Variants in TRHDE observed in about 807,000 individuals in gnomAD.
TRHDE encodes thyrotropin-releasing hormone-degrading ectoenzyme.
Under a neutral mutation model 125.7 loss-of-function variants are expected in TRHDE, and 72 were observed. The observed-to-expected ratio is 0.57, with a 90% confidence interval of 0.47 to 0.70. The LOEUF is 0.70. Ranked by LOEUF, TRHDE falls within the 30% of genes least tolerant of loss-of-function variation. TRHDE has a pLI of 0.00. For synonymous variants in TRHDE, 509 were observed against 509.1 expected, an observed-to-expected ratio of 1.00 and a Z score of 0.00; for missense variants, 1,110 against 1,327.1, an observed-to-expected ratio of 0.84 and a Z score of 2.54.
At chr12:72,204,070 T>G (rs1041637452) in intron 2 of TRHDE, among the ~76,000 whole-genome samples, 1 of 152,200 alleles carries the variant, frequency 6.6e-6, no homozygotes, top group Admixed American at 6.5e-5. Context: ...TTCAAGAATG[T>G]TAAATTACAG....
chr12:72,657,044 T>G (rs754606219), intron 18 of TRHDE, 36 bp downstream of exon 18: 1 of 1,327,558 alleles, frequency 7.5e-7, no homozygotes, highest in South Asian at 1.2e-5. Flanking sequence ...TTATTTTCTT[T>G]TATAAACATT....
Position 72,272,682 on chromosome 12 carries a change from G to A in TRHDE, c.39G>A (p.Glu13=). ...GCGAGCTGGGGGAGCAAGAGGAGGA[G>A]AAGAAAAAGAAGAAGAAAAAGAAGA... ...LDGELGEQEE[E]KKKKKKKKRK... is the part of the protein sequence containing the mutation. The change falls in exon 1 of 19, where the codon GAG becomes GAA. Residue 13 remains glutamate, a synonymous_variant. Coordinates refer to ENST00000261180, the MANE Select transcript of TRHDE (RefSeq NM_013381.3). The surrounding 1 kb of genome is among the most constrained non-coding windows in gnomAD (Gnocchi z 6.7). The A allele has an allele frequency of 2.3e-6, 3 of 1,331,224 alleles. No individual in the cohort carries two copies. The highest frequency in any genetic ancestry group is 2.8e-5 in the Admixed American group (1 of 36,330). The allele number at this position is 1,331,224 out of a possible 1,614,324, so 82.5% of individuals were successfully genotyped here.
intron 1 of TRHDE, among the ~76,000 whole-genome samples, chr12:72,282,917 T>C (rs905282017): frequency 5.9e-5 from 9 of 152,194 alleles, no homozygotes; most frequent in African/African-American, 1.9e-4. Flanking sequence ...TACTGGCATC[T>C]AGTGGTAGAG....
intron 13 of TRHDE, 146 bp from the exon 14 acceptor site, chr12:72,620,962 A>C (rs1873027264): frequency 2.6e-6 from 1 of 391,202 alleles, no homozygotes; most frequent in African/African-American, 2.1e-5. Flanking sequence ...TAAAATTATA[A>C]TAGAACATTA....
At chr12:72,559,361 C>G (rs1170592138) in intron 7 of TRHDE, among the ~76,000 whole-genome samples, 1 of 152,194 alleles carries the variant, frequency 6.6e-6, no homozygotes, top group South Asian at 2.1e-4. Flanking sequence ...AAGAGTTAAA[C>G]AGCTTTCTAA....
chr12:72,624,416 T>C (rs1873174707), intron 15 of TRHDE, among the ~76,000 whole-genome samples: 1 of 151,958 alleles, frequency 6.6e-6, no homozygotes, highest in African/African-American at 2.4e-5. Context: ...GAAATAAATA[T>C]TTATTCTAAT....
In TRHDE at chr12:72,524,919, A is replaced by T. The variant is rs115411780; in HGVS notation, c.1723-17372A>T. ...CTGGGCACACATGAAGGGCACAGTTATTTATGGTTATGTCTAGTGAATCCT... is the reference window on the plus strand; with the variant it reads ...CTGGGCACACATGAAGGGCACAGTTTTTTATGGTTATGTCTAGTGAATCCT... On this transcript the variant is annotated intron_variant, in intron 6 of 18. Coordinates refer to ENST00000261180, the MANE Select transcript of TRHDE (RefSeq NM_013381.3). 3.3e-3 allele frequency among the ~76,000 whole-genome samples: 504 copies of T among 152,256 alleles called. 1 individual carries two copies. The highest frequency in any genetic ancestry group is 0.011 in the African/African-American group (467 of 41,562).
intron 2 of TRHDE, among the ~76,000 whole-genome samples, chr12:72,314,258 T>A (rs1236238496): frequency 2.2e-5 from 3 of 134,140 alleles, no homozygotes; most frequent in African/African-American, 8.9e-5. Flanking sequence ...TCCTTTTCTT[T>A]TTTTTTCCTC....
At chr12:72,297,975 T>C (rs1880367020) in intron 2 of TRHDE, among the ~76,000 whole-genome samples, 1 of 152,180 alleles carries the variant, frequency 6.6e-6, no homozygotes, top group Admixed American at 6.5e-5. Flanking sequence ...CATTGGGATA[T>C]TGATATAATG....
intron 5 of TRHDE, among the ~76,000 whole-genome samples, chr12:72,481,681 G>C (rs2135913936): frequency 6.7e-6 from 1 of 149,874 alleles, no homozygotes; most frequent in Non-Finnish European, 1.5e-5. Context: ...AACATGTTTT[G>C]ACACTGAGCT....
chr12:72,358,728 GA>G (rs904889063), intron 2 of TRHDE, among the ~76,000 whole-genome samples: 1 of 151,558 alleles, frequency 6.6e-6, no homozygotes, highest in African/African-American at 2.4e-5. Context: ...AGAGTTATTT[GA>G]AAAGACTACG....
intron 2 of TRHDE, among the ~76,000 whole-genome samples, chr12:72,318,568 A>C (rs2135707434): frequency 6.6e-6 from 1 of 152,224 alleles, no homozygotes; most frequent in South Asian, 2.1e-4. Context: ...AGAAGAGAAC[A>C]CCACGGCCCA....
intron 2 of TRHDE, among the ~76,000 whole-genome samples, chr12:72,326,355 CAGATGGACACA>C (rs1869339747): frequency 6.6e-6 from 1 of 151,954 alleles, no homozygotes; most frequent in Admixed American, 6.6e-5. Context: ...ACAATGAGAA[CAGATGGACACA>C]GGGAGGGGAG....
intron 2 of TRHDE, among the ~76,000 whole-genome samples, chr12:72,133,329 G>A (rs1046003395): frequency 2.0e-5 from 3 of 152,144 alleles, no homozygotes; most frequent in African/African-American, 7.2e-5. Context: ...TTTCAGAGGA[G>A]AAATCGACAT....
rs992295880 is a variant in TRHDE, at chr12:72,443,631, G to T, written c.1316-26127G>T. 2.0e-5 allele frequency among the ~76,000 whole-genome samples: 3 copies of T among 151,664 alleles called. No individual in the cohort carries two copies. In the South Asian group the frequency reaches 6.2e-4, roughly 31 times the overall value. ...TGAGTGGAACATTTTGCATTAAGCT[G>T]TATCTATTTTTCTCTATATATTTTA... On this transcript the variant is annotated intron_variant, in intron 3 of 18. Coordinates refer to ENST00000261180, the MANE Select transcript of TRHDE (RefSeq NM_013381.3).
intron 2 of TRHDE, among the ~76,000 whole-genome samples, chr12:72,299,902 G>C (rs577021579): frequency 6.6e-6 from 1 of 152,118 alleles, no homozygotes; most frequent in African/African-American, 2.4e-5. Context: ...GAAGACCAAC[G>C]AGGGCATGGA....
intron 2 of TRHDE, among the ~76,000 whole-genome samples, chr12:72,343,944 A>G (rs1165371116): frequency 6.6e-6 from 1 of 151,934 alleles, no homozygotes; most frequent in Non-Finnish European, 1.5e-5. Context: ...AACCAGTTTT[A>G]TGGTAGTTAT....
intron 6 of TRHDE, among the ~76,000 whole-genome samples, chr12:72,528,328 C>T (rs568922585): frequency 6.6e-6 from 1 of 152,238 alleles, no homozygotes; most frequent in Admixed American, 6.5e-5. Flanking sequence ...TTCTTTCTAG[C>T]TGTGATAGTT....
chr12:72,295,066 G>A (rs1436748181), intron 2 of TRHDE, among the ~76,000 whole-genome samples: 1 of 150,856 alleles, frequency 6.6e-6, no homozygotes, highest in Admixed American at 6.6e-5. Flanking sequence ...AGGGATGCTT[G>A]AGTCCGCAGC....
Sources: allele counts gnomAD v4.1 joint callset (sites outside exome capture counted in the v4.1 genomes callset), GRCh38; gene constraint gnomAD v4.1.1; non-coding constraint Gnocchi (gnomAD v3.1); transcripts MANE v1.5; gene names NCBI Gene and HGNC (gene_info 2026-07-23, HGNC 2026-07-21).